ZNF723: variants seen among roughly 807,000 people sequenced by gnomAD.
The protein encoded by ZNF723 is zinc finger protein 723, also known as zinc finger protein 723, pseudogene.
Under a neutral mutation model 9.4 loss-of-function variants are expected in ZNF723, and 5 were observed. The ratio of observed to expected loss-of-function variants is 0.53; its 90% CI spans 0.28 to 1.12. ZNF723 has a LOEUF of 1.12. Ranked by LOEUF, ZNF723 falls within the 50% of genes most tolerant of loss-of-function variation. ZNF723 has a pLI of 0.10. For synonymous variants in ZNF723, 158 were observed against 168.8 expected, an observed-to-expected ratio of 0.94 and a Z score of 0.49; for missense variants, 450 against 501.5, an observed-to-expected ratio of 0.90 and a Z score of 0.98.
chr19:22,834,091 T>C (rs1967134840), intron 1 of ZNF723, among the ~76,000 whole-genome samples: 1 of 151,718 alleles, frequency 6.6e-6, no homozygotes, highest in South Asian at 2.1e-4. Flanking sequence ...AATTTTTGTA[T>C]TTTTAGTGGA....
rs530318248 is a variant in ZNF723 at position 22,833,755 on chromosome 19, C to T, written c.3+1373C>T. Among the ~76,000 whole-genome samples the T allele has an allele frequency of 1.1e-3, 162 of 151,242 alleles. 4 individuals carry two copies. The South Asian group carries it at 0.023, about 21-fold the overall frequency. ...CTCCCGAGTAGCTGGATTATAGGCA[C>T]GTGCCACCACGCCTGGCTATTTTTT... is the stretch of plus-strand genomic sequence containing the variant. On this transcript the variant is annotated intron_variant, in intron 1 of 3. Transcript: ENST00000600766.
chr19:22,833,484 G>T (rs1967124254), intron 1 of ZNF723, among the ~76,000 whole-genome samples: 1 of 151,544 alleles, frequency 6.6e-6, no homozygotes, highest in Non-Finnish European at 1.5e-5. Flanking sequence ...TTTCAAGAAG[G>T]GTCTCAAATG....
chr19:22,817,017 T>C, the ZNF723 span, among the ~76,000 whole-genome samples: 1 of 152,234 alleles, frequency 6.6e-6, no homozygotes, highest in African/African-American at 2.4e-5. Flanking sequence ...CAATGAGGAA[T>C]TGTGAAGTGT....
intron 1 of ZNF723, among the ~76,000 whole-genome samples, chr19:22,835,093 TTCTC>T (rs1967150318): frequency 6.9e-6 from 1 of 143,886 alleles, no homozygotes; most frequent in Non-Finnish European, 1.5e-5. Context: ...GAGATGGAGT[TTCTC>T]TCTTGTCACC....
upstream of ZNF723, among the ~76,000 whole-genome samples, chr19:22,831,214 A>C (rs1379367858): frequency 6.6e-6 from 1 of 152,110 alleles, no homozygotes; most frequent in Non-Finnish European, 1.5e-5. Context: ...ACAGTGTGCT[A>C]GTTTGGTGAA....
At chr19:22,848,470 T>C in intron 2 of ZNF723, 83 bp downstream of exon 2, 1 of 1,065,904 alleles carries the variant, frequency 9.4e-7, no homozygotes, top group Admixed American at 2.4e-5. Flanking sequence ...TGGTAATTGA[T>C]GCTTTGCATA....
At chr19:22,849,745 C>T (rs1481251512) in intron 3 of ZNF723, among the ~76,000 whole-genome samples, 1 of 152,018 alleles carries the variant, frequency 6.6e-6, no homozygotes, top group Non-Finnish European at 1.5e-5. Flanking sequence ...CCCTTCTCTA[C>T]CAAAAATACA....
upstream of ZNF723, among the ~76,000 whole-genome samples, chr19:22,829,344 G>A (rs542367266): frequency 2.1e-4 from 31 of 150,878 alleles, no homozygotes; most frequent in Admixed American, 1.1e-3. Context: ...GGAGTGCAGC[G>A]GCGAGATTTC....
intron 3 of ZNF723, among the ~76,000 whole-genome samples, chr19:22,850,104 C>T: frequency 6.9e-6 from 1 of 144,608 alleles, no homozygotes. Context: ...TGACATCCTC[C>T]TGGTTTGTTT....
the ZNF723 span, among the ~76,000 whole-genome samples, chr19:22,821,398 G>A: frequency 2.0e-5 from 3 of 152,056 alleles, no homozygotes; most frequent in Admixed American, 6.6e-5. Flanking sequence ...TGGACCCATC[G>A]CCTAGGTTAT....
rs949250074 is a variant in ZNF723 at position 22,854,084 on chromosome 19, A to G, written c.227-3034A>G. Among the ~76,000 whole-genome samples the G allele has an allele frequency of 3.5e-5, 4 of 113,002 alleles. No homozygotes were observed. The Admixed American group carries it at 3.8e-4, about 11-fold the overall frequency. The allele number at this position is 113,002 out of a possible 152,430, so 74.1% of individuals were successfully genotyped here. Reference sequence around the variant, plus strand: ...CGTATTAAAATATCCTACTATAATTATATTGCTCTCTATGTGTTTCTTTAA... The same window carrying G: ...CGTATTAAAATATCCTACTATAATTGTATTGCTCTCTATGTGTTTCTTTAA... On this transcript the variant is annotated intron_variant, in intron 3 of 3. Transcript: ENST00000600766.
Position 22,849,394 on chromosome 19 carries a change from GA to G in ZNF723, c.226+105del, listed in dbSNP as rs141212319. 5.5e-3 allele frequency: 2,583 copies of G among 467,274 alleles called. 53 individuals are homozygous for G. Among genetic ancestry groups the G allele is most frequent in the African/African-American group, 0.046 (2,330 of 50,350 alleles). 28.9% of individuals were successfully genotyped at this position (467,274 alleles called of 1,614,324 possible). On this transcript the variant is annotated intron_variant, in intron 3 of 3. Transcript: ENST00000600766. Reference sequence around the variant, plus strand: ...AGATTTTGGGAAGCTGTGTTCCAAAGAAAATAGTTTCAGGAAAGCCTGAGAG... The same window carrying G: ...AGATTTTGGGAAGCTGTGTTCCAAAGAAATAGTTTCAGGAAAGCCTGAGAG...
Position 22,857,362 on chromosome 19 carries a change from T to C in ZNF723, c.471T>C (p.Phe157=). The change falls in exon 4 of 4, where the codon TTT becomes TTC. Residue 157 remains phenylalanine (F), a synonymous_variant. Transcript: ENST00000600766. ...CDKYVKVFHK[F]SSSNSQKIRH... The stretch of plus-strand genomic sequence containing the variant: ...AATATGTAAAAGTCTTTCATAAATT[T>C]TCAAGTTCAAATAGCCAGAAGATAA... The C allele has an allele frequency of 1.2e-6, 1 of 831,524 alleles. No homozygotes were observed. The highest frequency in any genetic ancestry group is 1.4e-5 in the South Asian group (1 of 73,240). 51.5% of individuals were successfully genotyped at this position (831,524 alleles called of 1,614,324 possible).
At chr19:22,856,520 A>G (rs1278332755) in intron 3 of ZNF723, among the ~76,000 whole-genome samples, 2 of 152,106 alleles carry the variant, frequency 1.3e-5, no homozygotes, top group Non-Finnish European at 2.9e-5. Flanking sequence ...TCTTGTCTGA[A>G]TTTAGTTTTT....
chr19:22,829,885 C>A (rs1208164229), upstream of ZNF723, among the ~76,000 whole-genome samples: 1 of 152,170 alleles, frequency 6.6e-6, no homozygotes, highest in Non-Finnish European at 1.5e-5. Flanking sequence ...CAATATGGCT[C>A]TTTCTGTACA....
chr19:22,852,750 A>G (rs959658236), intron 3 of ZNF723, among the ~76,000 whole-genome samples: 4 of 152,158 alleles, frequency 2.6e-5, no homozygotes, highest in Non-Finnish European at 4.4e-5. Context: ...ATGCTATGCA[A>G]CATATCCCTA....
intron 1 of ZNF723, among the ~76,000 whole-genome samples, chr19:22,843,371 ATTGAGTC>A (rs1323864891): frequency 6.6e-6 from 1 of 152,212 alleles, no homozygotes; most frequent in Non-Finnish European, 1.5e-5. Flanking sequence ...AGTGTAAAAA[ATTGAGTC>A]TTCTTGTGTT....
the ZNF723 span, among the ~76,000 whole-genome samples, chr19:22,812,772 T>C: frequency 1.1e-4 from 17 of 152,174 alleles, no homozygotes; most frequent in African/African-American, 3.1e-4. Flanking sequence ...TTGACTCTTA[T>C]ATGTAGATTC....
At chr19:22,821,258 C>G in the ZNF723 span, among the ~76,000 whole-genome samples, 4 of 152,082 alleles carry the variant, frequency 2.6e-5, no homozygotes, top group Admixed American at 2.6e-4. Context: ...GGTCCAGCAC[C>G]TGAGTGATTT....
Sources: gnomAD v4.1 joint callset for allele counts (sites outside exome capture counted in the v4.1 genomes callset) on GRCh38, gnomAD v4.1.1 for gene constraint, MANE v1.5 for transcripts, NCBI Gene and HGNC (gene_info 2026-07-23, HGNC 2026-07-21) for gene names.